The following PLAC8 variants were observed in gnomAD, a reference collection of about 807,000 sequenced individuals.
The protein encoded by PLAC8 is placenta-specific gene 8 protein.
A neutral mutation model predicts 12.6 loss-of-function variants in PLAC8; 6 were observed. The ratio of observed to expected loss-of-function variants is 0.48; its 90% CI spans 0.26 to 0.94. The LOEUF is 0.94. PLAC8 is among the 40% of genes least tolerant of loss of function. The probability of loss-of-function intolerance (pLI) is 0.14; values close to 1 mark genes in which losing one functional copy is unlikely to be tolerated. For missense variants in PLAC8, 122 were observed against 152.7 expected (o/e 0.80, Z 1.06); for synonymous variants, 54 against 52.6 (o/e 1.03, Z -0.11).
At chr4:83,093,794 T>C (rs1731862777) in intron 4 of PLAC8, 1 of 152,178 alleles carries the variant, frequency 6.6e-6, no homozygotes, top group South Asian at 2.1e-4. Context: ...CCAACCCTAC[T>C]ACAATACCTA....
chr4:83,105,189 C>T (rs1363129151), intron 2 of PLAC8, among the ~76,000 whole-genome samples, 169 bp from the exon 3 acceptor site: 1 of 152,252 alleles, frequency 6.6e-6, no homozygotes, highest in African/African-American at 2.4e-5. Flanking sequence ...ATTTCTCGCT[C>T]CACCCGCAAA....
intron 3 of PLAC8, among the ~76,000 whole-genome samples, chr4:83,095,134 C>T (rs188169235): frequency 4.6e-5 from 7 of 152,120 alleles, no homozygotes; most frequent in African/African-American, 7.2e-5. Flanking sequence ...CACCAAAATG[C>T]GGGTGTAAAC....
chr4:83,107,889 G>T lies in PLAC8; in HGVS notation c.33C>A (p.Thr11=). 1 of 1,582,536 alleles carries T rather than the reference G, an allele frequency of 6.3e-7. No homozygotes were observed. The highest frequency in any genetic ancestry group is 8.6e-7 in the Non-Finnish European group (1 of 1,162,124). The change falls in exon 2 of 5, where the codon ACC becomes ACA. Residue 11 remains threonine (T), a synonymous_variant. Transcript: ENST00000311507. MQAQAPVVVV[T]QPGVGPGPAP... ...CCGGACCGGGACCGACTCCAGGTTGGGTCACAACGACCACCGGCGCCTGAG... is the reference window on the plus strand; with the variant it reads ...CCGGACCGGGACCGACTCCAGGTTGTGTCACAACGACCACCGGCGCCTGAG...
At chr4:83,093,973 A>G (rs1384177265) in intron 4 of PLAC8, 1 of 152,248 alleles carries the variant, frequency 6.6e-6, no homozygotes, top group East Asian at 1.9e-4. Flanking sequence ...TTATCACTTC[A>G]GGAAGGAAAC....
Position 83,104,907 on chromosome 4 carries a change from A to T in PLAC8, c.232T>A (p.Tyr78Asn). ...GGTAAGAGACTCACAGGGATGCCAT[A>T]TCGGGTCCTGTAGAGAGTCCTCATT... ...VAMRTLYRTR[Y>N]GIPGSICDDY... Residue 78 changes from tyrosine (Y) to asparagine (N), a missense_variant, in exon 3 of 5, where the codon TAT becomes AAT. Physicochemically the swap from Tyr to Asn is moderately radical, Grantham distance 143 (BLOSUM62 -2). Coordinates refer to ENST00000311507, the MANE Select transcript of PLAC8 (RefSeq NM_016619.3). 6.2e-7 allele frequency: 1 copy of T among 1,614,142 alleles called. No homozygotes were observed. Among genetic ancestry groups the T allele is most frequent in the Non-Finnish European group, 8.5e-7 (1 of 1,179,996 alleles).
intron 1 of PLAC8, among the ~76,000 whole-genome samples, chr4:83,108,974 C>G (rs929761237): frequency 1.3e-5 from 2 of 152,100 alleles, no homozygotes; most frequent in African/African-American, 4.8e-5. Flanking sequence ...CCTGACGGAC[C>G]CTGCTGTGTG....
At chr4:83,095,968 C>T (rs1393438275) in intron 3 of PLAC8, among the ~76,000 whole-genome samples, 2 of 152,136 alleles carry the variant, frequency 1.3e-5, no homozygotes, top group Non-Finnish European at 2.9e-5. Flanking sequence ...GGTCTGCAAA[C>T]GATGTTAAGC....
intron 1 of PLAC8, among the ~76,000 whole-genome samples, chr4:83,108,429 C>T (rs2126143704): frequency 6.6e-6 from 1 of 152,226 alleles, no homozygotes; most frequent in Middle Eastern, 3.4e-3. Context: ...CCCGCCTCTA[C>T]TAAAAATGCA....
At chr4:83,106,927 C>T (rs898064884) in intron 2 of PLAC8, among the ~76,000 whole-genome samples, 6 of 152,096 alleles carry the variant, frequency 3.9e-5, no homozygotes, top group African/African-American at 1.4e-4. Context: ...AGCCTGGGTG[C>T]GGTGGCTCAC....
intron 3 of PLAC8, among the ~76,000 whole-genome samples, chr4:83,100,028 C>T (rs1030402581): frequency 3.4e-5 from 5 of 147,736 alleles, no homozygotes; most frequent in Admixed American, 6.8e-5. Context: ...AAAAAACTGC[C>T]GGGCGCGCGA....
Position 83,104,947 on chromosome 4 carries a change from A to G in PLAC8, c.192T>C (p.Cys64=), listed in dbSNP as rs747124727. 1.9e-6 allele frequency: 3 copies of G among 1,614,140 alleles called. No homozygotes were observed. The highest frequency in any genetic ancestry group is 3.3e-5 in the Admixed American group (2 of 60,024). ...VAADMNECCL[C]GTSVAMRTLY... ...GAGTCCTCATTGCGACGCTTGTTCC[A>G]CACAGACAGCATTCATTCATATCAG... is the stretch of plus-strand genomic sequence containing the variant. Residue 64 remains cysteine (C), a synonymous_variant, in exon 3 of 5, where the codon TGT becomes TGC. Transcript: ENST00000311507.
chr4:83,094,560 C>T (rs1425297824), intron 4 of PLAC8, 118 bp downstream of exon 4: 12 of 632,368 alleles, frequency 1.9e-5, no homozygotes, highest in Non-Finnish European at 3.1e-5. Flanking sequence ...GATAGCACTT[C>T]AGGAGACTTA....
chr4:83,112,816 C>G (rs376896044), intron 1 of PLAC8, among the ~76,000 whole-genome samples: 32 of 152,322 alleles, frequency 2.1e-4, no homozygotes, highest in African/African-American at 7.7e-4. Flanking sequence ...CAAACAACCA[C>G]AATTCTCTTT....
In PLAC8 at chr4:83,090,071, T is replaced by G. The variant is rs1220667168; in HGVS notation, c.*910A>C. On this transcript the variant is annotated 3_prime_UTR_variant, in exon 5 of 5. Coordinates refer to ENST00000311507, the MANE Select transcript of PLAC8 (RefSeq NM_016619.3). ...TATTTTTTTTTTTTCTCATCTAAAG[T>G]TCTTAGATGAAAGAGAGCTGGGTTA... 6.6e-6 allele frequency: 1 copy of G among 151,684 alleles called. No homozygotes were observed. The highest frequency in any genetic ancestry group is 2.1e-4 in the South Asian group (1 of 4,800). The allele number at this position is 151,684 out of a possible 1,614,324, so 9.4% of individuals were successfully genotyped here.
chr4:83,092,026 T>C (rs1731818256), intron 4 of PLAC8, among the ~76,000 whole-genome samples: 1 of 152,190 alleles, frequency 6.6e-6, no homozygotes, highest in Non-Finnish European at 1.5e-5. Context: ...AATCATGTTG[T>C]TATTCCTTGC....
intron 3 of PLAC8, among the ~76,000 whole-genome samples, chr4:83,101,106 G>A (rs1334014040): frequency 2.6e-5 from 4 of 152,192 alleles, no homozygotes; most frequent in Non-Finnish European, 4.4e-5. Context: ...GAAGCTGGGC[G>A]TGGTGGCTCA....
At chr4:83,093,346 G>C (rs1731851965) in intron 4 of PLAC8, 1 of 152,190 alleles carries the variant, frequency 6.6e-6, no homozygotes, top group Non-Finnish European at 1.5e-5. Context: ...ACCCTCTCTT[G>C]AGAGGATACT....
intron 1 of PLAC8, among the ~76,000 whole-genome samples, chr4:83,112,627 T>C (rs975756155): frequency 3.3e-5 from 5 of 152,174 alleles, no homozygotes; most frequent in Admixed American, 2.6e-4. Flanking sequence ...CTAAAAAGGG[T>C]CTAATAACTT....
intron 3 of PLAC8, among the ~76,000 whole-genome samples, chr4:83,103,149 C>T (rs1157445031): frequency 6.6e-6 from 1 of 151,282 alleles, no homozygotes; most frequent in Non-Finnish European, 1.5e-5. Flanking sequence ...GTAATCCCAG[C>T]ACTGTGGGAG....
Sources: allele counts gnomAD v4.1 joint callset (sites outside exome capture counted in the v4.1 genomes callset), GRCh38; gene constraint gnomAD v4.1.1; transcripts MANE v1.5; gene names NCBI Gene and HGNC (gene_info 2026-07-23, HGNC 2026-07-21).